The following OSBP2 variants were observed in gnomAD, a reference collection of about 807,000 sequenced individuals.
OSBP2 encodes oxysterol-binding protein 2.
Under a neutral mutation model 96.0 loss-of-function variants are expected in OSBP2, and 66 were observed. The ratio of observed to expected loss-of-function variants is 0.69; its 90% CI spans 0.56 to 0.84. The LOEUF (loss-of-function observed/expected upper bound fraction) is 0.84. Ranked by LOEUF, OSBP2 falls within the 40% of genes least tolerant of loss-of-function variation. The probability of loss-of-function intolerance (pLI) is 0.00; values close to 1 mark genes in which losing one functional copy is unlikely to be tolerated. For missense variants in OSBP2, 1,038 were observed against 1,222.7 expected (o/e 0.85, Z 2.25); for synonymous variants, 525 against 520.9 (o/e 1.01, Z -0.11).
At chr22:30,836,768 C>T (rs1040451585) in intron 2 of OSBP2, among the ~76,000 whole-genome samples, 2 of 152,080 alleles carry the variant, frequency 1.3e-5, no homozygotes, top group Non-Finnish European at 2.9e-5. Flanking sequence ...AGAGGAGAGA[C>T]TCCAGAAGCC....
At chr22:30,727,701 T>C (rs1569098724) in intron 1 of OSBP2, among the ~76,000 whole-genome samples, 1 of 152,124 alleles carries the variant, frequency 6.6e-6, no homozygotes. Flanking sequence ...AATATAAACT[T>C]TAACCTAAGT....
At chr22:30,784,817 G>T (rs990243611) in intron 2 of OSBP2, among the ~76,000 whole-genome samples, 8 of 148,012 alleles carry the variant, frequency 5.4e-5, no homozygotes, top group Admixed American at 5.4e-4. Context: ...CTGTCGCCCA[G>T]GCTGGAGTGC....
At chr22:30,782,796 G>C (rs113882201) in intron 2 of OSBP2, among the ~76,000 whole-genome samples, 1 of 152,118 alleles carries the variant, frequency 6.6e-6, no homozygotes, top group Non-Finnish European at 1.5e-5. Context: ...TAGAATGGCT[G>C]ACTCAGGGTA....
At position 30,835,919 on chromosome 22, in the gene OSBP2, A is replaced by C. The variant is rs930974849; in HGVS notation, c.854-34510A>C. On this transcript the variant is annotated intron_variant, in intron 2 of 13. Transcript: ENST00000332585. ...TTTCCTGTAAAGGTGGGGTTTCACT[A>C]TGTTGCCCAGGCTGGTTTTGAACTC... Among the ~76,000 whole-genome samples the C allele has an allele frequency of 2.0e-5, 3 of 151,896 alleles. No homozygotes were observed. In the East Asian group the frequency reaches 5.9e-4, roughly 30 times the overall value.
intron 2 of OSBP2, among the ~76,000 whole-genome samples, chr22:30,818,664 G>A (rs1429874644): frequency 6.6e-6 from 1 of 151,930 alleles, no homozygotes; most frequent in Non-Finnish European, 1.5e-5. Flanking sequence ...TTTGTTGAAT[G>A]TGTGTGTGTG....
intron 1 of OSBP2, among the ~76,000 whole-genome samples, chr22:30,710,766 A>G (rs1352518757): frequency 1.3e-5 from 2 of 152,092 alleles, no homozygotes; most frequent in African/African-American, 4.8e-5. Context: ...ATGTGCCACC[A>G]CGCCAGGCTT....
rs750216689 is a variant in OSBP2, at chr22:30,870,694, C to G, written c.1107+12C>G. 1 of 1,606,856 alleles carries G rather than the reference C, an allele frequency of 6.2e-7. No individual in the cohort carries two copies. The highest frequency in any genetic ancestry group is 8.5e-7 in the Non-Finnish European group (1 of 1,174,790). On this transcript the variant is annotated intron_variant, in intron 3 of 13. Transcript: ENST00000332585. The surrounding 1 kb of genome is among the most constrained non-coding windows in gnomAD (Gnocchi z 4.1). ...ATGCTATGATCAACGTGAGTACCCA[C>G]CCCCACCGCCCTGGCACGGGGCTCC...
Position 30,870,565 on chromosome 22 carries a change from C to G in OSBP2, c.990C>G (p.Leu330=). Residue 330 remains leucine, a synonymous_variant, in exon 3 of 14, where the codon CTC becomes CTG. Coordinates refer to ENST00000332585, the MANE Select transcript of OSBP2 (RefSeq NM_030758.4). The surrounding 1 kb of genome is among the most constrained non-coding windows in gnomAD (Gnocchi z 4.1). The stretch of plus-strand genomic sequence containing the variant: ...TCATCGCCAAGCACGGCGCTGCACT[C>G]CAGCGCTCCCTGACAGAGCTGGACG... The part of the protein sequence containing the change: ...NDLIAKHGAA[L]QRSLTELDGL... The G allele has an allele frequency of 6.2e-7, 1 of 1,614,044 alleles. No individual in the cohort carries two copies. The highest frequency in any genetic ancestry group is 8.5e-7 in the Non-Finnish European group (1 of 1,180,008).
chr22:30,856,590 T>C (rs4820908), intron 2 of OSBP2, among the ~76,000 whole-genome samples: 48,531 of 151,376 alleles, frequency 0.32, 8,282 homozygotes, highest in Middle Eastern at 0.44. Context: ...TTTTGCCACG[T>C]TGGTCAGGCT....
intron 2 of OSBP2, among the ~76,000 whole-genome samples, chr22:30,856,171 G>A (rs2039072886): frequency 6.6e-6 from 1 of 152,150 alleles, no homozygotes; most frequent in African/African-American, 2.4e-5. Flanking sequence ...CTGAGATAAG[G>A]ATCTTCTTTT....
At position 30,895,059 on chromosome 22, in the gene OSBP2, G is replaced by A. The variant is rs529419478; in HGVS notation, c.2375+1058G>A. Among the ~76,000 whole-genome samples the A allele has an allele frequency of 2.0e-5, 3 of 152,142 alleles. No homozygotes were observed. In the South Asian group the frequency reaches 6.2e-4, roughly 31 times the overall value. On this transcript the variant is annotated intron_variant, in intron 12 of 13. Coordinates refer to ENST00000332585, the MANE Select transcript of OSBP2 (RefSeq NM_030758.4). ...TTAAAGCTGAATAAACAAGAATAAC[G>A]TGGGGTACAACATTTTAGAATGTGG... is the stretch of plus-strand genomic sequence containing the variant.
intron 2 of OSBP2, chr22:30,822,502 G>A (rs1286811618): frequency 8.8e-7 from 1 of 1,132,926 alleles, no homozygotes; most frequent in Non-Finnish European, 1.1e-6. Flanking sequence ...TGGTAACGCG[G>A]CGCCGGGACC....
chr22:30,730,208 C>T (rs1399241666), intron 1 of OSBP2, among the ~76,000 whole-genome samples: 11 of 152,144 alleles, frequency 7.2e-5, no homozygotes, highest in Non-Finnish European at 1.3e-4. Context: ...AGTGATTTGA[C>T]GACCTCGGCC....
At position 30,695,526 on chromosome 22, in the gene OSBP2, T is replaced by G. The variant is rs765088545; in HGVS notation, c.617T>G (p.Leu206Arg). Residue 206 changes from leucine to arginine, a missense_variant, in exon 1 of 14, where the codon CTG becomes CGG. By Grantham distance (102) the Leu-to-Arg change is moderately radical. Around this residue, in one of 3 missense-constraint regions of OSBP2, gnomAD observed 281 missense variants for 273.4 expected, o/e 1.03. Transcript: ENST00000332585. ...LKGYQRRWFV[L>R]GNGLLSYYRN... ...GGCTACCAGCGCCGCTGGTTCGTGC[T>G]GGGCAATGGTTTGCTCTCTTACTAC... 1.9e-6 allele frequency: 3 copies of G among 1,610,968 alleles called. No individual in the cohort carries two copies. The highest frequency in any genetic ancestry group is 2.7e-5 in the African/African-American group (2 of 74,926).
chr22:30,882,222 G>A (rs1319235442), intron 3 of OSBP2, among the ~76,000 whole-genome samples: 1 of 152,182 alleles, frequency 6.6e-6, no homozygotes. Context: ...CTTGGACAGG[G>A]TTATTCCCAG....
intron 1 of OSBP2, among the ~76,000 whole-genome samples, chr22:30,705,386 C>T (rs766570243): frequency 6.6e-5 from 10 of 152,004 alleles, no homozygotes; most frequent in Admixed American, 2.6e-4. Context: ...CTCCGCCTCC[C>T]GGGTTTAAGC....
chr22:30,850,364 G>T (rs2038956805), intron 2 of OSBP2, among the ~76,000 whole-genome samples: 1 of 150,918 alleles, frequency 6.6e-6, no homozygotes, highest in East Asian at 1.9e-4. Context: ...TCTGAACTCT[G>T]CTATGTTCCA....
At chr22:30,790,805 G>T (rs1477606179) in intron 2 of OSBP2, among the ~76,000 whole-genome samples, 1 of 152,116 alleles carries the variant, frequency 6.6e-6, no homozygotes, top group Non-Finnish European at 1.5e-5. Context: ...AATCCGTTAA[G>T]GGATATTCCT....
intron 2 of OSBP2, among the ~76,000 whole-genome samples, chr22:30,762,463 A>G (rs1455844173): frequency 1.3e-5 from 2 of 151,440 alleles, no homozygotes; most frequent in Non-Finnish European, 2.9e-5. Flanking sequence ...CAGGGGGTGA[A>G]CCCAGGAGGC....
Sources: allele counts gnomAD v4.1 joint callset (sites outside exome capture counted in the v4.1 genomes callset), GRCh38; gene constraint gnomAD v4.1.1; regional missense constraint gnomAD v4.1.1; non-coding constraint Gnocchi (gnomAD v3.1); transcripts MANE v1.5; gene names NCBI Gene and HGNC (gene_info 2026-07-23, HGNC 2026-07-21).